Variants in SNX29 observed in about 807,000 individuals in gnomAD.
SNX29 encodes the protein sorting nexin 29, also known as sorting nexin-29.
In SNX29, 78 loss-of-function variants were observed where a neutral mutation model predicts 102.1. That is an observed-to-expected ratio of 0.76 (90% CI 0.64 to 0.92). The LOEUF is 0.92. Ranked by LOEUF, SNX29 falls within the 40% of genes least tolerant of loss-of-function variation. The probability of loss-of-function intolerance (pLI) is 0.00; values close to 1 mark genes in which losing one functional copy is unlikely to be tolerated. For missense variants in SNX29, 1,280 were observed against 1,061.7 expected (o/e 1.21, Z -2.86); for synonymous variants, 580 against 414.5 (o/e 1.40, Z -4.85).
At chr16:12,426,579 A>T (rs1196437298) in intron 18 of SNX29, among the ~76,000 whole-genome samples, 1 of 152,278 alleles carries the variant, frequency 6.6e-6, no homozygotes, top group Non-Finnish European at 1.5e-5. Context: ...TGTGTTACGT[A>T]GCCAATAAAA....
intron 20 of SNX29, 56 bp from the exon 21 acceptor site, chr16:12,568,450 G>A (rs2079106213): frequency 8.8e-6 from 14 of 1,598,162 alleles, no homozygotes; most frequent in Non-Finnish European, 1.2e-5. Flanking sequence ...TTCCTGGCCT[G>A]TGGTCATTTG....
chr16:12,562,164 G>A (rs924330697), intron 20 of SNX29, among the ~76,000 whole-genome samples: 2 of 152,158 alleles, frequency 1.3e-5, no homozygotes, highest in Admixed American at 6.5e-5. Context: ...TGTGGAGTAA[G>A]ATTGAGGTCT....
chr16:12,309,717 A>G (rs562911885), intron 15 of SNX29, among the ~76,000 whole-genome samples: 2 of 152,292 alleles, frequency 1.3e-5, no homozygotes, highest in South Asian at 4.2e-4. Context: ...AATGTGTTCA[A>G]CACTCTTAAA....
At chr16:12,476,381 A>AAT (rs2087610725) in intron 18 of SNX29, among the ~76,000 whole-genome samples, 1 of 15,932 alleles carries the variant, frequency 6.3e-5, no homozygotes, top group Non-Finnish European at 1.1e-4. Context: ...AAAAAAAAAA[A>AAT]AAATATATAT....
chr16:12,037,717 C>G (rs549807023), intron 4 of SNX29, among the ~76,000 whole-genome samples: 4 of 151,016 alleles, frequency 2.6e-5, no homozygotes, highest in African/African-American at 9.8e-5. Context: ...TTTGGGAGGC[C>G]GATGCTGGAT....
At chr16:12,333,775 G>T (rs1383298500) in intron 15 of SNX29, among the ~76,000 whole-genome samples, 1 of 152,118 alleles carries the variant, frequency 6.6e-6, no homozygotes, top group Non-Finnish European at 1.5e-5. Flanking sequence ...CTATGTCCTG[G>T]GGACTGGGCA....
intron 17 of SNX29, among the ~76,000 whole-genome samples, chr16:12,400,385 C>G (rs1262609057): frequency 6.6e-6 from 1 of 152,210 alleles, no homozygotes; most frequent in Non-Finnish European, 1.5e-5. Context: ...ACTGTTCTAA[C>G]TCACTCAGTC....
At chr16:12,305,655 A>G (rs563729122) in intron 15 of SNX29, among the ~76,000 whole-genome samples, 2 of 152,326 alleles carry the variant, frequency 1.3e-5, no homozygotes, top group African/African-American at 4.8e-5. Context: ...ATTTATCATG[A>G]TTACTGAGCT....
At position 12,071,093 on chromosome 16, in the gene SNX29, C is replaced by T. The variant is rs868084588; in HGVS notation, c.1319+1961C>T. On this transcript the variant is annotated intron_variant, in intron 10 of 20. Coordinates refer to ENST00000566228, the MANE Select transcript of SNX29 (RefSeq NM_032167.5). ...AGCCCTTTGTCAGATGAGTAGGTTG[C>T]GAAAATTTTCTCCCATTCTGTAGGT... Among the ~76,000 whole-genome samples, 71 of 151,676 alleles carry T rather than the reference C, an allele frequency of 4.7e-4. No homozygotes were observed. In the Middle Eastern group the frequency reaches 0.014, roughly 29 times the overall value.
At chr16:12,023,593 AAG>A (rs2057096768) in intron 3 of SNX29, among the ~76,000 whole-genome samples, 3 of 148,020 alleles carry the variant, frequency 2.0e-5, no homozygotes, top group African/African-American at 7.9e-5. Flanking sequence ...AAAAAAAGAA[AAG>A]AAAAGAAAAG....
chr16:12,408,152 C>G (rs1410072299), intron 18 of SNX29, among the ~76,000 whole-genome samples: 1 of 120,826 alleles, frequency 8.3e-6, no homozygotes, highest in Admixed American at 8.1e-5. Flanking sequence ...GAGCAGGACC[C>G]TTCTCAAAAA....
chr16:12,299,075 G>C (rs940321123), intron 15 of SNX29, among the ~76,000 whole-genome samples: 1 of 151,866 alleles, frequency 6.6e-6, no homozygotes, highest in African/African-American at 2.4e-5. Context: ...CAAGGTAGGT[G>C]AATCACTTGA....
In SNX29 at chr16:12,086,149, G is replaced by A. The variant is rs1043141113; in HGVS notation, c.1402+7234G>A. ...CTCCCAAGTAGCTGGGACTACAGGC[G>A]CCCGCCACCACGCCTGGCTAATTTT... On this transcript the variant is annotated intron_variant, in intron 11 of 20. Coordinates refer to ENST00000566228, the MANE Select transcript of SNX29 (RefSeq NM_032167.5). 3.9e-5 allele frequency among the ~76,000 whole-genome samples: 6 copies of A among 151,906 alleles called. No homozygotes were observed. In the South Asian group the frequency reaches 6.2e-4, roughly 16 times the overall value.
intron 19 of SNX29, among the ~76,000 whole-genome samples, chr16:12,501,327 T>C (rs2089111802): frequency 1.3e-5 from 2 of 152,004 alleles, no homozygotes; most frequent in African/African-American, 4.8e-5. Flanking sequence ...TTGCTTGAGA[T>C]TAGGAGTTCA....
intron 20 of SNX29, among the ~76,000 whole-genome samples, chr16:12,537,908 C>G (rs565697073): frequency 6.6e-5 from 10 of 151,612 alleles, no homozygotes; most frequent in African/African-American, 2.4e-4. Context: ...TCACTGGAAC[C>G]CAGGAGGCAG....
chr16:12,543,491 C>T (rs571366645), intron 20 of SNX29, among the ~76,000 whole-genome samples: 1 of 152,202 alleles, frequency 6.6e-6, no homozygotes, highest in Non-Finnish European at 1.5e-5. Context: ...GCCACAGCCA[C>T]CTGTGCTGGC....
intron 16 of SNX29, among the ~76,000 whole-genome samples, chr16:12,359,636 T>C (rs75650713): frequency 6.6e-6 from 1 of 152,324 alleles, no homozygotes; most frequent in Admixed American, 6.5e-5. Flanking sequence ...CAAAAACCCA[T>C]GTCCCTATCA....
chr16:12,060,079 C>G (rs1235888932), intron 8 of SNX29, among the ~76,000 whole-genome samples: 1 of 152,088 alleles, frequency 6.6e-6, no homozygotes, highest in African/African-American at 2.4e-5. Context: ...TCTCTGCATC[C>G]ATGGACTCTG....
At chr16:11,996,167 G>T (rs1415462007) in intron 1 of SNX29, among the ~76,000 whole-genome samples, 5 of 152,164 alleles carry the variant, frequency 3.3e-5, no homozygotes, top group Non-Finnish European at 4.4e-5. Flanking sequence ...TGTTTGGGAG[G>T]CAGAGGCAGG....
Sources: allele counts gnomAD v4.1 joint callset (sites outside exome capture counted in the v4.1 genomes callset), GRCh38; gene constraint gnomAD v4.1.1; transcripts MANE v1.5; gene names NCBI Gene and HGNC (gene_info 2026-07-23, HGNC 2026-07-21).